CNTNAP5: variants seen among roughly 807,000 people sequenced by gnomAD.
CNTNAP5 encodes the protein contactin-associated protein-like 5.
In CNTNAP5, 72 loss-of-function variants were observed where a neutral mutation model predicts 150.2. That is an observed-to-expected ratio of 0.48 (90% CI 0.40 to 0.58). The LOEUF (loss-of-function observed/expected upper bound fraction) is 0.58, where lower values mean the gene tolerates loss of function less well. CNTNAP5 is among the 20% of genes least tolerant of loss of function. CNTNAP5 has a pLI of 0.00. For synonymous variants in CNTNAP5, 672 were observed against 619.8 expected (o/e 1.08, Z -1.25); for missense variants, 1,636 against 1,626.2 (o/e 1.01, Z -0.10).
chr2:124,759,838 A>C (rs926802609), intron 14 of CNTNAP5, among the ~76,000 whole-genome samples: 3 of 139,716 alleles, frequency 2.1e-5, no homozygotes, highest in Non-Finnish European at 4.7e-5. Flanking sequence ...ATCCTGGGGT[A>C]GACTGTATAT....
At chr2:124,550,671 CCT>C (rs2080028587) in intron 10 of CNTNAP5, among the ~76,000 whole-genome samples, 1 of 152,124 alleles carries the variant, frequency 6.6e-6, no homozygotes, top group South Asian at 2.1e-4. Context: ...ATCTACAGCC[CCT>C]CTGTCAATTG....
chr2:124,865,022 A>G (rs1266125362), intron 19 of CNTNAP5, among the ~76,000 whole-genome samples: 1 of 152,008 alleles, frequency 6.6e-6, no homozygotes, highest in African/African-American at 2.4e-5. Flanking sequence ...TCATGATCCA[A>G]TTACAAAATA....
At chr2:124,096,912 C>G (rs947729778) in intron 1 of CNTNAP5, among the ~76,000 whole-genome samples, 2 of 152,056 alleles carry the variant, frequency 1.3e-5, no homozygotes, top group African/African-American at 4.8e-5. Context: ...CCGTGTTCCC[C>G]AGGCTAGTCT....
At chr2:124,829,782 A>C (rs1682674267) in intron 19 of CNTNAP5, among the ~76,000 whole-genome samples, 1 of 151,918 alleles carries the variant, frequency 6.6e-6, no homozygotes, top group Non-Finnish European at 1.5e-5. Flanking sequence ...TGGATGATGA[A>C]AACTTTGAAT....
chr2:124,667,352 A>C (rs1678722194), intron 13 of CNTNAP5, among the ~76,000 whole-genome samples: 1 of 152,232 alleles, frequency 6.6e-6, no homozygotes, highest in African/African-American at 2.4e-5. Context: ...CCTTGATTTG[A>C]CAACTCAGGT....
chr2:124,050,517 TAGAA>T (rs902688878), intron 1 of CNTNAP5, among the ~76,000 whole-genome samples: 1 of 152,004 alleles, frequency 6.6e-6, no homozygotes, highest in African/African-American at 2.4e-5. Flanking sequence ...AGCAAGATCT[TAGAA>T]AGAGAAAGGA....
At chr2:124,361,997 G>C (rs975035221) in intron 3 of CNTNAP5, among the ~76,000 whole-genome samples, 10 of 152,228 alleles carry the variant, frequency 6.6e-5, no homozygotes, top group Middle Eastern at 3.2e-3. Context: ...CCAGGTGCGG[G>C]ATATAATCTT....
At chr2:124,064,916 C>G (rs1189035692) in intron 1 of CNTNAP5, among the ~76,000 whole-genome samples, 4 of 152,170 alleles carry the variant, frequency 2.6e-5, no homozygotes, top group African/African-American at 7.2e-5. Flanking sequence ...GGGTTTTGAC[C>G]CTAGTGTAGA....
chr2:124,908,692 G>A (rs563073138), intron 22 of CNTNAP5, among the ~76,000 whole-genome samples: 14 of 152,222 alleles, frequency 9.2e-5, no homozygotes, highest in African/African-American at 3.4e-4. Context: ...TGTTATGGTA[G>A]CATGTGGTAC....
Position 124,900,368 on chromosome 2 carries a change from C to T in CNTNAP5, c.3437-2514C>T, listed in dbSNP as rs189170839. On this transcript the variant is annotated intron_variant, in intron 21 of 23. Transcript: ENST00000682447. ...TTTTGTCTTATTTTTGTTTTTTTTC[C>T]TCTCCATCTATGTAAGAATCTGAGA... Among the ~76,000 whole-genome samples, 78 of 150,886 alleles carry T rather than the reference C, an allele frequency of 5.2e-4. 1 individual carries two copies. Among genetic ancestry groups the T allele is most frequent in the Admixed American group, 1.2e-3 (18 of 15,184 alleles).
intron 13 of CNTNAP5, among the ~76,000 whole-genome samples, chr2:124,682,443 G>A (rs1679089836): frequency 6.6e-6 from 1 of 152,152 alleles, no homozygotes; most frequent in Non-Finnish European, 1.5e-5. Context: ...TAAACAAAGT[G>A]TTGACTGTGC....
At chr2:124,170,483 G>A (rs77179075) in intron 1 of CNTNAP5, among the ~76,000 whole-genome samples, 2,704 of 152,262 alleles carry the variant, frequency 0.018, 82 homozygotes, top group African/African-American at 0.062. Flanking sequence ...CAGCAGAGAT[G>A]GTGCTATTAA....
intron 2 of CNTNAP5, among the ~76,000 whole-genome samples, chr2:124,241,332 C>G (rs868246271): frequency 6.6e-6 from 1 of 152,112 alleles, no homozygotes; most frequent in Non-Finnish European, 1.5e-5. Context: ...TACTGAATCA[C>G]ACGAGATCCA....
At chr2:124,330,715 C>T (rs1279231050) in intron 3 of CNTNAP5, among the ~76,000 whole-genome samples, 1 of 151,982 alleles carries the variant, frequency 6.6e-6, no homozygotes, top group Non-Finnish European at 1.5e-5. Flanking sequence ...GATATTTCAT[C>T]ATAGTAGCAT....
rs1685560219 is a variant in CNTNAP5, at chr2:124,195,462, G to T, written c.83-26243G>T. Among the ~76,000 whole-genome samples, 3 of 152,110 alleles carry T rather than the reference G, an allele frequency of 2.0e-5. No individual in the cohort carries two copies. In the South Asian group the frequency reaches 6.2e-4, roughly 32 times the overall value. ...ATACTCAACACTGTCCCACAGCACC[G>T]ACAGAAGCCCCATAGACATGATGCA... On this transcript the variant is annotated intron_variant, in intron 1 of 23. Transcript: ENST00000682447.
intron 3 of CNTNAP5, among the ~76,000 whole-genome samples, chr2:124,380,679 T>C (rs1276162431): frequency 2.0e-5 from 3 of 152,074 alleles, no homozygotes; most frequent in Non-Finnish European, 4.4e-5. Context: ...ATCCAATAAA[T>C]CTCCCTCCCC....
intron 3 of CNTNAP5, among the ~76,000 whole-genome samples, chr2:124,270,305 T>C (rs571566995): frequency 6.7e-6 from 1 of 150,268 alleles, no homozygotes; most frequent in African/African-American, 2.4e-5. Context: ...CAAGACTCCA[T>C]CTCAAAAAAA....
intron 12 of CNTNAP5, among the ~76,000 whole-genome samples, chr2:124,633,969 G>T (rs1280841140): frequency 1.3e-5 from 2 of 152,156 alleles, no homozygotes. Flanking sequence ...ACAGGGCAGT[G>T]GGGCCCTGGT....
intron 13 of CNTNAP5, among the ~76,000 whole-genome samples, chr2:124,738,575 T>TA (rs1199052970): frequency 2.0e-5 from 3 of 151,658 alleles, no homozygotes; most frequent in Admixed American, 2.0e-4. Context: ...CTACTAAAAA[T>TA]AAAAAATTAG....
Sources: gnomAD v4.1 joint callset for allele counts (sites outside exome capture counted in the v4.1 genomes callset) on GRCh38, gnomAD v4.1.1 for gene constraint, MANE v1.5 for transcripts, NCBI Gene and HGNC (gene_info 2026-07-23, HGNC 2026-07-21) for gene names.